IFNG-AS1: variants seen among roughly 807,000 people sequenced by gnomAD.
IFNG-AS1 encodes IFNG regulatory antisense RNA 1.
intron 4 of IFNG-AS1, chr12:68,021,177 A>G (rs747688590): frequency 2.6e-5 from 4 of 152,184 alleles, no homozygotes; most frequent in African/African-American, 7.2e-5. Context: ...AATATTTTAT[A>G]TATACATAGT....
exon 4 of IFNG-AS1, chr12:68,019,866 G>A (rs1880245178): frequency 6.6e-6 from 1 of 152,164 alleles, no homozygotes; most frequent in South Asian, 2.1e-4. Flanking sequence ...TTACAGGCTA[G>A]AAGCCCACCA....
chr12:68,004,540 G>A (rs145862446), intron 2 of IFNG-AS1, among the ~76,000 whole-genome samples: 10 of 152,330 alleles, frequency 6.6e-5, no homozygotes, highest in Non-Finnish European at 1.3e-4. Context: ...CCCAGCTGAT[G>A]TGTCACTCAG....
At chr12:68,018,130 C>T (rs565036929) in intron 3 of IFNG-AS1, among the ~76,000 whole-genome samples, 7 of 152,234 alleles carry the variant, frequency 4.6e-5, no homozygotes, top group African/African-American at 1.7e-4. Context: ...TGGACCATTT[C>T]TCCTGCTTGC....
At chr12:68,016,005 C>G (rs1459675237) in intron 3 of IFNG-AS1, among the ~76,000 whole-genome samples, 1 of 152,060 alleles carries the variant, frequency 6.6e-6, no homozygotes, top group Non-Finnish European at 1.5e-5. Flanking sequence ...GTCTATCTCT[C>G]TCATTCCTAA....
chr12:68,007,605 A>T (rs1017771582), intron 3 of IFNG-AS1, among the ~76,000 whole-genome samples: 4 of 152,260 alleles, frequency 2.6e-5, no homozygotes, highest in Admixed American at 6.5e-5. Flanking sequence ...CTAAGATTCA[A>T]ATATCAGTCA....
chr12:68,013,841 A>T (rs1358361639), intron 3 of IFNG-AS1, among the ~76,000 whole-genome samples: 1 of 152,294 alleles, frequency 6.6e-6, no homozygotes, highest in Admixed American at 6.5e-5. Context: ...GTTTGGTTAC[A>T]TGAGTAAGTT....
intron 3 of IFNG-AS1, among the ~76,000 whole-genome samples, chr12:68,006,672 A>C (rs1179578286): frequency 6.6e-6 from 1 of 152,254 alleles, no homozygotes; most frequent in Non-Finnish European, 1.5e-5. Context: ...ATCTGACTTA[A>C]TTAGCTGGAA....
At chr12:68,008,641 T>C (rs1879960120) in intron 3 of IFNG-AS1, among the ~76,000 whole-genome samples, 1 of 152,190 alleles carries the variant, frequency 6.6e-6, no homozygotes, top group African/African-American at 2.4e-5. Context: ...CTTCTCCACA[T>C]GCAGTCATTC....
chr12:68,011,706 A>G (rs1002824351), intron 3 of IFNG-AS1, among the ~76,000 whole-genome samples: 4 of 152,102 alleles, frequency 2.6e-5, no homozygotes, highest in Non-Finnish European at 5.9e-5. Flanking sequence ...GCTGAGACCA[A>G]TTGGTCTCCA....
chr12:68,004,738 T>C (rs1490471341), intron 2 of IFNG-AS1, among the ~76,000 whole-genome samples: 1 of 152,214 alleles, frequency 6.6e-6, no homozygotes, highest in Non-Finnish European at 1.5e-5. Context: ...GGATCAAGAC[T>C]GTCACTACTA....
chr12:68,006,200 C>G (rs1158433381), intron 3 of IFNG-AS1: 1 of 152,152 alleles, frequency 6.6e-6, no homozygotes, highest in African/African-American at 2.4e-5. Flanking sequence ...GATTTTTACC[C>G]AACAGGTGAT....
At chr12:67,997,436 G>C (rs2870963) in intron 2 of IFNG-AS1, among the ~76,000 whole-genome samples, 148,961 of 152,082 alleles carry the variant, frequency 0.98, 73,030 homozygotes, top group East Asian at 1. Flanking sequence ...AACTGGATAG[G>C]TATTGGGAAT....
At chr12:67,996,515 C>T (rs1434407643) in intron 2 of IFNG-AS1, among the ~76,000 whole-genome samples, 2 of 152,154 alleles carry the variant, frequency 1.3e-5, no homozygotes, top group African/African-American at 4.8e-5. Flanking sequence ...AGTTCACACC[C>T]TCTTAAATCT....
intron 3 of IFNG-AS1, among the ~76,000 whole-genome samples, chr12:68,019,135 G>A (rs1393647163): frequency 6.6e-6 from 1 of 152,114 alleles, no homozygotes; most frequent in Non-Finnish European, 1.5e-5. Context: ...GGACACAACA[G>A]GAGGTAGTCT....
intron 3 of IFNG-AS1, among the ~76,000 whole-genome samples, chr12:68,009,577 G>A (rs992000017): frequency 2.6e-5 from 4 of 152,210 alleles, no homozygotes; most frequent in Non-Finnish European, 4.4e-5. Flanking sequence ...TCTTGGCCTC[G>A]TGATCCACCC....
chr12:67,995,694 C>T (rs1879624785), intron 1 of IFNG-AS1, among the ~76,000 whole-genome samples: 1 of 149,190 alleles, frequency 6.7e-6, no homozygotes, highest in Admixed American at 6.6e-5. Context: ...TGCACTCCAG[C>T]CTGGGTGACA....
intron 1 of IFNG-AS1, among the ~76,000 whole-genome samples, chr12:67,992,472 A>G (rs117275784): frequency 6.6e-6 from 1 of 152,172 alleles, no homozygotes; most frequent in East Asian, 1.9e-4. Context: ...GGACACATAT[A>G]CTGTTAGTTT....
intron 3 of IFNG-AS1, among the ~76,000 whole-genome samples, chr12:68,008,832 C>T (rs1320434370): frequency 6.6e-6 from 1 of 152,162 alleles, no homozygotes; most frequent in African/African-American, 2.4e-5. Flanking sequence ...ATCTCAGTCA[C>T]AGGGTGACAG....
intron 2 of IFNG-AS1, among the ~76,000 whole-genome samples, chr12:67,998,736 G>A (rs772119244): frequency 8.5e-5 from 13 of 152,054 alleles, no homozygotes; most frequent in Non-Finnish European, 1.8e-4. Flanking sequence ...CACTGAAGGG[G>A]ATGAGGAAGA....
Sources: allele counts gnomAD v4.1 joint callset (sites outside exome capture counted in the v4.1 genomes callset), GRCh38; gene constraint gnomAD v4.1.1; transcripts MANE v1.5; gene names NCBI Gene and HGNC (gene_info 2026-07-23, HGNC 2026-07-21).